The following ARHGAP6 variants were observed in gnomAD, a reference collection of about 807,000 sequenced individuals.
ARHGAP6 encodes Rho GTPase activating protein 6.
In ARHGAP6, 16 loss-of-function variants were observed where a neutral mutation model predicts 55.7. That is an observed-to-expected ratio of 0.29 (90% confidence interval 0.19 to 0.44). The LOEUF (loss-of-function observed/expected upper bound fraction) is 0.44. ARHGAP6 is among the 20% of genes least tolerant of loss of function. ARHGAP6 has a pLI of 1.00. For synonymous variants in ARHGAP6, 382 were observed against 360.9 expected (o/e 1.06, Z -0.66); for missense variants, 698 against 808.9 (o/e 0.86, Z 1.66).
Position 11,613,109 on chromosome X carries a change from G to A in ARHGAP6, c.588+51132C>T, listed in dbSNP as rs148342305. 6.4e-3 allele frequency among the ~76,000 whole-genome samples: 718 copies of A among 112,006 alleles called. 4 individuals carry two copies. In the Middle Eastern group the frequency reaches 0.078, roughly 12 times the overall value. On this transcript the variant is annotated intron_variant, in intron 1 of 12. Transcript: ENST00000337414. ...GGACCTTCCATCTACTAATCTACTC[G>A]CTCTATCCCTATTCCAAAGGTTGGC...
chrX:11,388,317 T>G (rs1418184414), intron 1 of ARHGAP6, among the ~76,000 whole-genome samples: 1 of 112,171 alleles, frequency 8.9e-6, no homozygotes, highest in Non-Finnish European at 1.9e-5. Flanking sequence ...ATGATGAGCA[T>G]TTTTTCATGT....
chrX:11,252,740 T>C (rs2047440087), intron 2 of ARHGAP6, among the ~76,000 whole-genome samples: 1 of 112,314 alleles, frequency 8.9e-6, no homozygotes, highest in Admixed American at 9.4e-5. Flanking sequence ...TGTCAGCCCA[T>C]TGGCCTTGTC....
At chrX:11,378,901 C>T (rs2049231646) in intron 1 of ARHGAP6, among the ~76,000 whole-genome samples, 2 of 112,734 alleles carry the variant, frequency 1.8e-5, no homozygotes, top group South Asian at 7.3e-4. Context: ...TTCTCGTGAT[C>T]CAACATGTTG....
intron 1 of ARHGAP6, among the ~76,000 whole-genome samples, chrX:11,505,317 G>T (rs1603235016): frequency 9.0e-6 from 1 of 111,060 alleles, no homozygotes; most frequent in Non-Finnish European, 1.9e-5. Context: ...TCACTGATAA[G>T]TAGAGAAACG....
At chrX:11,371,654 C>A (rs951578549) in intron 1 of ARHGAP6, among the ~76,000 whole-genome samples, 1 of 112,126 alleles carries the variant, frequency 8.9e-6, no homozygotes. Context: ...TAATCACTAA[C>A]AAATTAATCA....
intron 1 of ARHGAP6, among the ~76,000 whole-genome samples, chrX:11,316,397 T>C (rs1010866193): frequency 8.9e-6 from 1 of 112,250 alleles, no homozygotes. Flanking sequence ...GGAGAGTATG[T>C]TTATTCTTTA....
intron 1 of ARHGAP6, among the ~76,000 whole-genome samples, chrX:11,563,335 A>G (rs1482381247): frequency 2.4e-5 from 2 of 84,746 alleles, no homozygotes; most frequent in African/African-American, 1.1e-4. Flanking sequence ...AAGATAATCC[A>G]ATTTAATAAT....
chrX:11,655,672 T>C (rs2052629799), intron 1 of ARHGAP6, among the ~76,000 whole-genome samples: 1 of 112,384 alleles, frequency 8.9e-6, no homozygotes, highest in African/African-American at 3.2e-5. Context: ...ACTAATTTCA[T>C]TTTTTCACAC....
At position 11,608,758 on chromosome X, in the gene ARHGAP6, G is replaced by GT. The variant is rs1020424407; in HGVS notation, c.588+55482dup. On this transcript the variant is annotated intron_variant, in intron 1 of 12. Coordinates refer to ENST00000337414, the MANE Select transcript of ARHGAP6 (RefSeq NM_013427.3). ...CAAGATCTGATGGTTTTATCAGGGG[G>GT]TTCCGCTTTTGCATCTTCCTCATTT... Among the ~76,000 whole-genome samples the GT allele has an allele frequency of 2.7e-5, 3 of 111,649 alleles. 1 individual carries two copies. The highest frequency in any genetic ancestry group is 5.7e-5 in the Non-Finnish European group (3 of 53,072).
At chrX:11,383,519 T>G (rs1322410902) in intron 1 of ARHGAP6, among the ~76,000 whole-genome samples, 1 of 111,286 alleles carries the variant, frequency 9.0e-6, no homozygotes, top group Admixed American at 9.6e-5. Context: ...AACATTTATG[T>G]GGGTTTTATT....
intron 1 of ARHGAP6, among the ~76,000 whole-genome samples, chrX:11,430,488 C>T (rs914263876): frequency 8.9e-6 from 1 of 112,310 alleles, no homozygotes; most frequent in Non-Finnish European, 1.9e-5. Context: ...CCACCTCCTT[C>T]AATTCTTAGT....
At chrX:11,521,176 G>T (rs1346620138) in intron 1 of ARHGAP6, among the ~76,000 whole-genome samples, 1 of 112,047 alleles carries the variant, frequency 8.9e-6, no homozygotes, top group Non-Finnish European at 1.9e-5. Context: ...GATCCCATTT[G>T]TCAATTTTGG....
rs189212861 is a variant in ARHGAP6 at position 11,515,340 on chromosome X, T to C, written c.588+148901A>G. Among the ~76,000 whole-genome samples the C allele has an allele frequency of 4.4e-5, 5 of 112,537 alleles. No individual in the cohort carries two copies. The Admixed American group carries it at 4.7e-4, about 11-fold the overall frequency. ...CCTAAACATTTTCCTAATACATTTA[T>C]CAAGAAGGAAAAGTTGCGTCCTGAA... On this transcript the variant is annotated intron_variant, in intron 1 of 12. Transcript: ENST00000337414.
intron 1 of ARHGAP6, among the ~76,000 whole-genome samples, chrX:11,489,820 A>T (rs748841516): frequency 1.8e-5 from 2 of 112,025 alleles, no homozygotes; most frequent in African/African-American, 6.5e-5. Context: ...TAGCAGAGCC[A>T]AGGGATTGGT....
At chrX:11,150,973 C>T (rs2045767573) in intron 10 of ARHGAP6, among the ~76,000 whole-genome samples, 1 of 111,623 alleles carries the variant, frequency 9.0e-6, no homozygotes, top group African/African-American at 3.3e-5. Context: ...ATCAATTTTG[C>T]TGACTGAGTT....
chrX:11,600,969 T>C (rs1221918728), intron 1 of ARHGAP6, among the ~76,000 whole-genome samples: 1 of 112,140 alleles, frequency 8.9e-6, no homozygotes, highest in Non-Finnish European at 1.9e-5. Flanking sequence ...GGGTTGATCC[T>C]GGCAGATGTG....
At chrX:11,472,160 G>A (rs964821356) in intron 1 of ARHGAP6, among the ~76,000 whole-genome samples, 5 of 111,071 alleles carry the variant, frequency 4.5e-5, no homozygotes, top group African/African-American at 1.6e-4. Context: ...CTGTTGTGAG[G>A]GTGGTTCTGT....
At chrX:11,276,289 T>C (rs1440481757) in intron 1 of ARHGAP6, among the ~76,000 whole-genome samples, 2 of 111,876 alleles carry the variant, frequency 1.8e-5, no homozygotes, top group African/African-American at 6.5e-5. Flanking sequence ...ATTATCTATA[T>C]TTGTGCCTTT....
intron 1 of ARHGAP6, among the ~76,000 whole-genome samples, chrX:11,371,537 T>G (rs772000823): frequency 1.8e-5 from 2 of 112,472 alleles, no homozygotes; most frequent in Non-Finnish European, 3.8e-5. Context: ...TTCATAGATA[T>G]CTTTAATAAT....
Sources: allele counts gnomAD v4.1 joint callset (sites outside exome capture counted in the v4.1 genomes callset), GRCh38; gene constraint gnomAD v4.1.1; transcripts MANE v1.5; gene names NCBI Gene and HGNC (gene_info 2026-07-23, HGNC 2026-07-21).